Variants in XPC observed in about 807,000 individuals in gnomAD.
XPC encodes XPC complex subunit, DNA damage recognition and repair factor, also known as DNA repair protein complementing XP-C cells.
In XPC, 76 loss-of-function variants were observed where a neutral mutation model predicts 95.8. The ratio of observed to expected loss-of-function variants is 0.79; its 90% CI spans 0.66 to 0.96. The LOEUF (loss-of-function observed/expected upper bound fraction) is 0.96. Among genes scored for constraint, XPC ranks in the 40% least tolerant of loss-of-function variants. The probability of loss-of-function intolerance (pLI) is 0.00; values close to 1 mark genes in which losing one functional copy is unlikely to be tolerated. For synonymous variants in XPC, 442 were observed against 442.1 expected, an observed-to-expected ratio of 1.00 and a Z score of 0.00; for missense variants, 1,146 against 1,179.8, an observed-to-expected ratio of 0.97 and a Z score of 0.42.
intron 1 of XPC, among the ~76,000 whole-genome samples, chr3:14,177,225 C>G (rs1696859469): frequency 6.6e-6 from 1 of 152,170 alleles, no homozygotes; most frequent in African/African-American, 2.4e-5. Flanking sequence ...AGCATGACAA[C>G]TATTTCCATA....
Position 14,145,249 on chromosome 3 carries a change from TTAACAC to T in XPC, c.*686_*691del. 3 of 680,170 alleles carry T rather than the reference TTAACAC, an allele frequency of 4.4e-6. No homozygotes were observed. The highest frequency in any genetic ancestry group is 5.4e-6 in the Non-Finnish European group (2 of 373,812). 42.1% of individuals were successfully genotyped at this position (680,170 alleles called of 1,614,324 possible). A position where few individuals can be genotyped will look rare whatever the true frequency, so the allele number is the denominator to read the frequency against. On this transcript the variant is annotated 3_prime_UTR_variant, in exon 16 of 16. Coordinates refer to ENST00000285021, the MANE Select transcript of XPC (RefSeq NM_004628.5). ...TATCTAGTAATGAATACAATCTAGT[TTAACAC>T]TCATCTATTTTACTAACATTTCCTT...
In XPC at chr3:14,158,415, T is replaced by C; in HGVS notation, c.1468A>G (p.Ser490Gly). 6.2e-7 allele frequency: 1 copy of C among 1,613,804 alleles called. No individual in the cohort carries two copies. Among genetic ancestry groups the C allele is most frequent in the Non-Finnish European group, 8.5e-7 (1 of 1,179,852 alleles). The part of the protein sequence containing the change: ...SKSASRTHRG[S>G]HRKDPSLPAA... The stretch of plus-strand genomic sequence containing the variant: ...GGCAAGCTTGGGTCCTTACGATGGC[T>C]CCCACGATGGGTCCTGGAGGCACTC... Residue 490 changes from serine to glycine, a missense_variant, in exon 9 of 16, where the codon AGC becomes GGC. Coordinates refer to ENST00000285021, the MANE Select transcript of XPC (RefSeq NM_004628.5). The surrounding 1 kb of genome is among the most constrained non-coding windows in gnomAD (Gnocchi z 5.2).
chr3:14,164,662 G>A (rs921284165), intron 7 of XPC, 151 bp downstream of exon 7: 61 of 720,840 alleles, frequency 8.5e-5, no homozygotes, highest in Non-Finnish European at 1.0e-4. Context: ...GCATCATGTA[G>A]CTATTCTGGG....
At chr3:14,161,589 A>G (rs992277243) in intron 7 of XPC, among the ~76,000 whole-genome samples, 86 of 151,656 alleles carry the variant, frequency 5.7e-4, no homozygotes, top group East Asian at 1.9e-4. Flanking sequence ...CAACTGACAA[A>G]GAAAAACGCA....
chr3:14,154,545 A>G (rs1440199482), intron 10 of XPC, among the ~76,000 whole-genome samples: 1 of 152,224 alleles, frequency 6.6e-6, no homozygotes, highest in African/African-American at 2.4e-5. Flanking sequence ...GCCAGTCACG[A>G]TGTGACTATA....
intron 10 of XPC, among the ~76,000 whole-genome samples, chr3:14,154,497 T>C (rs1695821690): frequency 8.9e-6 from 1 of 112,200 alleles, no homozygotes; most frequent in South Asian, 3.0e-4. Context: ...CATGCTACAA[T>C]ATGGATGAAC....
Position 14,158,339 on chromosome 3 carries a change from C to G in XPC, c.1544G>C (p.Ser515Thr). The G allele has an allele frequency of 6.2e-7, 1 of 1,614,024 alleles. No individual in the cohort carries two copies. The highest frequency in any genetic ancestry group is 8.5e-7 in the Non-Finnish European group (1 of 1,179,904). Residue 515 changes from serine (S) to threonine (T), a missense_variant, in exon 9 of 16, where the codon AGC becomes ACC. By Grantham distance (58) the Ser-to-Thr change is moderately conservative. Coordinates refer to ENST00000285021, the MANE Select transcript of XPC (RefSeq NM_004628.5). The surrounding 1 kb of genome is among the most constrained non-coding windows in gnomAD (Gnocchi z 5.2). ...SSSKRGKKMCSDGEKAEKRSI... is the reference protein window; with the variant it reads ...SSSKRGKKMCTDGEKAEKRSI... ...TCTTTTTTCTGCCTTCTCACCATCG[C>G]TGCACATTTTCTTGCCTCTTTTACT...
Position 14,146,146 on chromosome 3 carries a change from G to A in XPC, c.2618C>T (p.Ala873Val). ...RRYGPKSEAA[A>V]PHTDAGGGLS... ...TCCACCTCCTGCATCTGTGTGGGGA[G>A]CTGCTGCCTCACTCTGGACAGGTGG... Residue 873 changes from alanine (A) to valine (V), a missense_variant, in exon 16 of 16, where the codon GCT becomes GTT. Ala to Val is a moderately conservative substitution (Grantham distance 64). Coordinates refer to ENST00000285021, the MANE Select transcript of XPC (RefSeq NM_004628.5). The A allele has an allele frequency of 6.2e-7, 1 of 1,608,698 alleles. No individual in the cohort carries two copies. The highest frequency in any genetic ancestry group is 8.5e-7 in the Non-Finnish European group (1 of 1,178,384).
At chr3:14,171,962 C>G (rs1352485943) in intron 2 of XPC, among the ~76,000 whole-genome samples, 1 of 152,198 alleles carries the variant, frequency 6.6e-6, no homozygotes, top group East Asian at 1.9e-4. Context: ...ACTCTCCCAT[C>G]CCAGGACTAG....
In XPC at chr3:14,164,142, GGAA is replaced by G. The variant is rs371716235; in HGVS notation, c.900+668_900+670del. On this transcript the variant is annotated intron_variant, in intron 7 of 15. Coordinates refer to ENST00000285021, the MANE Select transcript of XPC (RefSeq NM_004628.5). ...ATCTTAGACTTGTTAAAGCCAACAC[GGAA>G]GAAGAGAACTAAAGATGTCAACCAT... is the stretch of plus-strand genomic sequence containing the variant. Among the ~76,000 whole-genome samples, 1,019 of 152,308 alleles carry G rather than the reference GGAA, an allele frequency of 6.7e-3. 16 individuals are homozygous for G. The highest frequency in any genetic ancestry group is 0.023 in the African/African-American group (963 of 41,556).
At chr3:14,155,770 G>C (rs1162103083) in intron 10 of XPC, among the ~76,000 whole-genome samples, 3 of 152,154 alleles carry the variant, frequency 2.0e-5, no homozygotes, top group African/African-American at 7.2e-5. Flanking sequence ...GTGTTAGCCA[G>C]GATGGTCTCG....
chr3:14,155,946 T>G (rs1008947969), intron 10 of XPC, among the ~76,000 whole-genome samples: 1 of 152,162 alleles, frequency 6.6e-6, no homozygotes, highest in Admixed American at 6.5e-5. Flanking sequence ...TTCCCAGAAC[T>G]TTTTCATCCC....
At position 14,168,327 on chromosome 3, in the gene XPC, A is replaced by G; in HGVS notation, c.466T>C (p.Ser156Pro). 3 of 1,614,014 alleles carry G rather than the reference A, an allele frequency of 1.9e-6. No homozygotes were observed. In the South Asian group the frequency reaches 3.3e-5, roughly 18 times the overall value. Residue 156 changes from serine (S) to proline (P), a missense_variant, in exon 4 of 16, where the codon TCT becomes CCT. Transcript: ENST00000285021. The part of the protein sequence containing the change: ...DVRESTAFSR[S>P]LLPVKPVEIE... ...TCCACTGGCTTCACAGGCAGAAGAG[A>G]TCGAGAGAAGGCTGTACTTTCTCTC...
At chr3:14,165,024 C>G (rs552170187) in intron 6 of XPC, 91 bp from the exon 7 acceptor site, 1 of 1,491,778 alleles carries the variant, frequency 6.7e-7, no homozygotes, top group East Asian at 2.4e-5. Context: ...GGGAGTGAAT[C>G]GTGAGACCCG....
rs1335909101 is a variant in XPC, at chr3:14,156,400, A to G, written c.1968T>C (p.Tyr656=). 3.1e-6 allele frequency: 5 copies of G among 1,613,906 alleles called. No homozygotes were observed. In the African/African-American group the frequency reaches 4.0e-5, roughly 13 times the overall value. The change falls in exon 10 of 16, where the codon TAT becomes TAC. Residue 656 remains tyrosine (Y), a synonymous_variant. Coordinates refer to ENST00000285021, the MANE Select transcript of XPC (RefSeq NM_004628.5). Reference sequence around the variant, plus strand: ...CAGCTGTCTCGGGATAGATGGCCTCATATTTCAGGAGATGCCGCTTCAGGG... The same window carrying G: ...CAGCTGTCTCGGGATAGATGGCCTCGTATTTCAGGAGATGCCGCTTCAGGG... The part of the protein sequence containing the change: ...LYALKRHLLK[Y]EAIYPETAAI...
intron 13 of XPC, 128 bp from the exon 14 acceptor site, chr3:14,148,129 G>T: frequency 1.3e-6 from 1 of 776,556 alleles, no homozygotes. Flanking sequence ...TCGCGGGTCA[G>T]CCAGTGTCCC....
Position 14,152,428 on chromosome 3 carries a change from A to G in XPC, c.2034-12T>C. 1 of 1,605,350 alleles carries G rather than the reference A, an allele frequency of 6.2e-7. No individual in the cohort carries two copies. Among genetic ancestry groups the G allele is most frequent in the Non-Finnish European group, 8.5e-7 (1 of 1,175,650 alleles). On this transcript the variant is annotated splice_polypyrimidine_tract_variant and intron_variant, in intron 10 of 15. Coordinates refer to ENST00000285021, the MANE Select transcript of XPC (RefSeq NM_004628.5). ...TGTGCACACAATCCCTGTGGAACCA[A>G]CACAGGACACAAAGGTAACTCAGTC... is the stretch of plus-strand genomic sequence containing the variant.
chr3:14,164,753 C>G, intron 7 of XPC, 60 bp downstream of exon 7: 1 of 1,546,290 alleles, frequency 6.5e-7, no homozygotes, highest in Non-Finnish European at 8.8e-7. Flanking sequence ...TGGCACATGG[C>G]TGCCATTATC....
intron 1 of XPC, among the ~76,000 whole-genome samples, chr3:14,175,542 T>C (rs1295007868): frequency 6.6e-6 from 1 of 152,276 alleles, no homozygotes; most frequent in Non-Finnish European, 1.5e-5. Context: ...ATTATCCTAG[T>C]ACCTGGAACA....
Sources: allele counts gnomAD v4.1 joint callset (sites outside exome capture counted in the v4.1 genomes callset), GRCh38; gene constraint gnomAD v4.1.1; non-coding constraint Gnocchi (gnomAD v3.1); transcripts MANE v1.5; gene names NCBI Gene and HGNC (gene_info 2026-07-23, HGNC 2026-07-21).